The following NR4A3 variants were observed in gnomAD, a reference collection of about 807,000 sequenced individuals.
The protein encoded by NR4A3 is chondrosarcoma, extraskeletal myxoid, fused to EWS.
NR4A3 carries 13 observed loss-of-function variants against 55.6 expected under a neutral mutation model. The observed-to-expected ratio is 0.23, with a 90% confidence interval of 0.15 to 0.37. The LOEUF (loss-of-function observed/expected upper bound fraction) is 0.37. NR4A3 is among the 10% of genes least tolerant of loss of function. NR4A3 has a pLI of 1.00. For missense variants in NR4A3, 646 were observed against 822.8 expected, an observed-to-expected ratio of 0.79 and a Z score of 2.63; for synonymous variants, 342 against 357.9, an observed-to-expected ratio of 0.96 and a Z score of 0.50.
rs1462488992 is a variant in NR4A3, at chr9:99,864,411, G to A, written c.*544G>A. The A allele has an allele frequency of 4.4e-6, 1 of 227,996 alleles. No homozygotes were observed. Among genetic ancestry groups the A allele is most frequent in the Non-Finnish European group, 8.7e-6 (1 of 114,656 alleles). The allele number at this position is 227,996 out of a possible 1,614,324, so 14.1% of individuals were successfully genotyped here. A position where few individuals can be genotyped will look rare whatever the true frequency, so the allele number is the denominator to read the frequency against. ...TTTATTTTAACAAATGGTGAAAGAT[G>A]GAGGATTACCTACAAATCAGACATG... On this transcript the variant is annotated 3_prime_UTR_variant, in exon 8 of 8. Coordinates refer to ENST00000395097, the MANE Select transcript of NR4A3 (RefSeq NM_006981.4).
chr9:99,841,135 G>A (rs1023895619), intron 5 of NR4A3, among the ~76,000 whole-genome samples: 1 of 151,646 alleles, frequency 6.6e-6, no homozygotes, highest in African/African-American at 2.4e-5. Flanking sequence ...GGAGGCTGAG[G>A]CAGGAGACTC....
chr9:99,826,868 T>C, intron 2 of NR4A3: 1 of 1,478,102 alleles, frequency 6.8e-7, no homozygotes, highest in South Asian at 1.2e-5. Flanking sequence ...TTTTACACCA[T>C]AGACTCCAAA....
At position 99,861,855 on chromosome 9, in the gene NR4A3, C is replaced by G. The variant is rs547959604; in HGVS notation, c.1634-1765C>G. 3.3e-5 allele frequency among the ~76,000 whole-genome samples: 5 copies of G among 152,262 alleles called. No individual in the cohort carries two copies. The South Asian group carries it at 1.0e-3, about 32-fold the overall frequency. On this transcript the variant is annotated intron_variant, in intron 7 of 7. Transcript: ENST00000395097. ...CCTGTAATTTCAGTGCTTTGGGAAA[C>G]TGAGGCAGGAGGATCACTTGAGCCC...
At chr9:99,838,646 C>CACTATGAG (rs1321031916) in intron 5 of NR4A3, among the ~76,000 whole-genome samples, 5 of 152,178 alleles carry the variant, frequency 3.3e-5, no homozygotes, top group African/African-American at 1.2e-4. Context: ...GCTATAGTTC[C>CACTATGAG]ACTATGAGTA....
chr9:99,847,215 T>C (rs1827769853), intron 6 of NR4A3, among the ~76,000 whole-genome samples: 1 of 152,198 alleles, frequency 6.6e-6, no homozygotes, highest in South Asian at 2.1e-4. Flanking sequence ...TATCTTCCCC[T>C]GGGCTGATGT....
intron 5 of NR4A3, among the ~76,000 whole-genome samples, chr9:99,840,496 C>G (rs185122115): frequency 1.2e-4 from 18 of 152,282 alleles, no homozygotes; most frequent in African/African-American, 3.9e-4. Flanking sequence ...TTTCTCTCTC[C>G]CACTATTTTA....
At chr9:99,847,732 T>C in intron 7 of NR4A3, 117 bp downstream of exon 7, 1 of 960,758 alleles carries the variant, frequency 1.0e-6, no homozygotes, top group East Asian at 2.5e-5. Context: ...ACCATTTTTC[T>C]GAAATCTGTT....
chr9:99,842,398 C>G (rs1460679637), intron 5 of NR4A3, among the ~76,000 whole-genome samples: 3 of 152,114 alleles, frequency 2.0e-5, no homozygotes, highest in Non-Finnish European at 4.4e-5. Context: ...TGAATACATA[C>G]CTGGAGAGCT....
intron 2 of NR4A3, chr9:99,826,657 G>C (rs1434450965): frequency 6.0e-6 from 5 of 835,948 alleles, no homozygotes; most frequent in Non-Finnish European, 8.2e-6. Context: ...AAACTAGTGA[G>C]TGTATTTTTA....
At chr9:99,852,430 G>A (rs975192456) in intron 7 of NR4A3, among the ~76,000 whole-genome samples, 7 of 152,208 alleles carry the variant, frequency 4.6e-5, no homozygotes, top group Non-Finnish European at 1.0e-4. Flanking sequence ...GATGAGTGGT[G>A]AGATGATGTC....
chr9:99,858,099 G>GA (rs774715354), intron 7 of NR4A3, among the ~76,000 whole-genome samples: 2 of 152,056 alleles, frequency 1.3e-5, no homozygotes, highest in African/African-American at 2.4e-5. Context: ...AATGGGAGGA[G>GA]AAAAAAATCA....
chr9:99,832,345 G>A (rs1827460711), intron 3 of NR4A3, among the ~76,000 whole-genome samples: 1 of 152,104 alleles, frequency 6.6e-6, no homozygotes, highest in African/African-American at 2.4e-5. Context: ...AATAATCAGG[G>A]GAGTGGAACA....
chr9:99,828,981 G>A lies in NR4A3; in HGVS notation c.939G>A (p.Lys313=). ...HYGVRTCEGC[K]GFFKRTVQKN... Reference sequence around the variant, plus strand: ...GCGTGCGAACCTGCGAGGGCTGCAAGGGCTTTTTCAAGGTGAGCGCACGCC... The same window carrying A: ...GCGTGCGAACCTGCGAGGGCTGCAAAGGCTTTTTCAAGGTGAGCGCACGCC... The change falls in exon 3 of 8, where the codon AAG becomes AAA. Residue 313 remains lysine (K), a synonymous_variant. Transcript: ENST00000395097. The surrounding 1 kb of genome is among the most constrained non-coding windows in gnomAD (Gnocchi z 7.7). The A allele has an allele frequency of 3.6e-6, 5 of 1,377,990 alleles. No individual in the cohort carries two copies. The highest frequency in any genetic ancestry group is 1.7e-5 in the South Asian group (1 of 58,792). The allele number at this position is 1,377,990 out of a possible 1,614,324, so 85.4% of individuals were successfully genotyped here.
At chr9:99,853,022 C>T (rs1182303052) in intron 7 of NR4A3, among the ~76,000 whole-genome samples, 2 of 152,284 alleles carry the variant, frequency 1.3e-5, no homozygotes, top group Admixed American at 6.5e-5. Flanking sequence ...ATTTAGAGAC[C>T]GGAGATCTGA....
Position 99,827,907 on chromosome 9 carries a change from T to C in NR4A3, c.-2-134T>C. ...AAATAAGTGTGGGGCTTTGTGTCTA[T>C]GCTACCAGAAGGAGGAGAGGATGAC... On this transcript the variant is annotated intron_variant, in intron 2 of 7. Coordinates refer to ENST00000395097, the MANE Select transcript of NR4A3 (RefSeq NM_006981.4). The C allele has an allele frequency of 2.7e-6, 3 of 1,106,264 alleles. No homozygotes were observed. In the South Asian group the frequency reaches 4.6e-5, roughly 17 times the overall value. The allele number at this position is 1,106,264 out of a possible 1,614,324, so 68.5% of individuals were successfully genotyped here.
rs59274273 is a variant in NR4A3, at chr9:99,862,549, C to CAAAAAAAAAAAAAAAAAAAA, written c.1634-1056_1634-1037dup. ...TAGGCAACAGAGTAAGACTCTGTCT[C>CAAAAAAAAAAAAAAAAAAAA]AAAAAAAAAAAAAAAAAAAAAAAAA... On this transcript the variant is annotated intron_variant, in intron 7 of 7. Transcript: ENST00000395097. Among the ~76,000 whole-genome samples the CAAAAAAAAAAAAAAAAAAAA allele has an allele frequency of 1.6e-3, 120 of 72,798 alleles. 8 individuals carry two copies. The highest frequency in any genetic ancestry group is 7.5e-3 in the Middle Eastern group (1 of 134). 47.8% of individuals were successfully genotyped at this position (72,798 alleles called of 152,430 possible). A position where few individuals can be genotyped will look rare whatever the true frequency, so the allele number is the denominator to read the frequency against.
At chr9:99,862,047 C>T (rs1355261171) in intron 7 of NR4A3, among the ~76,000 whole-genome samples, 1 of 151,738 alleles carries the variant, frequency 6.6e-6, no homozygotes, top group East Asian at 1.9e-4. Context: ...TGAACCATGA[C>T]TGCACCACTG....
intron 5 of NR4A3, among the ~76,000 whole-genome samples, chr9:99,842,000 C>T (rs938582442): frequency 3.3e-5 from 5 of 151,794 alleles, no homozygotes; most frequent in Non-Finnish European, 5.9e-5. Flanking sequence ...GAAGGTATCC[C>T]CATTTTACAG....
At chr9:99,846,867 C>CA (rs1564035824) in intron 6 of NR4A3, among the ~76,000 whole-genome samples, 1 of 152,164 alleles carries the variant, frequency 6.6e-6, no homozygotes, top group African/African-American at 2.4e-5. Flanking sequence ...AAGCTGGTCT[C>CA]AAACTCCTGA....
Sources: allele counts gnomAD v4.1 joint callset (sites outside exome capture counted in the v4.1 genomes callset), GRCh38; gene constraint gnomAD v4.1.1; non-coding constraint Gnocchi (gnomAD v3.1); transcripts MANE v1.5; gene names NCBI Gene and HGNC (gene_info 2026-07-23, HGNC 2026-07-21).